The following FNBP1 variants were observed in gnomAD, a reference collection of about 807,000 sequenced individuals.
FNBP1 encodes formin binding protein 1.
FNBP1 carries 26 observed loss-of-function variants against 90.6 expected under a neutral mutation model. That is an observed-to-expected ratio of 0.29 (90% CI 0.21 to 0.40). The LOEUF is 0.40. Ranked by LOEUF, FNBP1 falls within the 10% of genes least tolerant of loss-of-function variation. FNBP1 has a pLI of 1.00. For missense variants in FNBP1, 635 were observed against 768.0 expected (o/e 0.83, Z 2.05); for synonymous variants, 260 against 265.2 (o/e 0.98, Z 0.19).
Position 129,887,211 on chromosome 9 carries a change from C to T in FNBP1, c.*3328G>A, listed in dbSNP as rs1003931426. ...CCACAAGTTATATTTTATTTTAACA[C>T]GAGATTAACATATAGTTACAAGGTC... is the stretch of plus-strand genomic sequence containing the variant. On this transcript the variant is annotated 3_prime_UTR_variant, in exon 17 of 17. Transcript: ENST00000446176. 2.8e-5 allele frequency: 5 copies of T among 180,080 alleles called. No individual in the cohort carries two copies. The highest frequency in any genetic ancestry group is 3.6e-5 in the Non-Finnish European group (3 of 84,222). The allele number at this position is 180,080 out of a possible 1,614,324, so 11.2% of individuals were successfully genotyped here. A position where few individuals can be genotyped will look rare whatever the true frequency, so the allele number is the denominator to read the frequency against.
chr9:129,941,502 G>A (rs552803897), intron 6 of FNBP1, among the ~76,000 whole-genome samples: 1 of 152,270 alleles, frequency 6.6e-6, no homozygotes, highest in East Asian at 1.9e-4. Flanking sequence ...GTCTTGCTCT[G>A]TTAACCAGGA....
At chr9:130,048,787 CTTTT>C in the FNBP1 span, among the ~76,000 whole-genome samples, 1 of 143,860 alleles carries the variant, frequency 7.0e-6, no homozygotes, top group South Asian at 2.2e-4. Context: ...CCAGTTTCCT[CTTTT>C]TTTTTTGAGA....
intron 6 of FNBP1, among the ~76,000 whole-genome samples, chr9:129,935,775 C>A (rs1262204519): frequency 1.1e-4 from 16 of 152,160 alleles, no homozygotes; most frequent in Non-Finnish European, 1.5e-5. Context: ...GCATGAGCCA[C>A]CGCGCCCAGC....
chr9:129,916,016 G>C (rs765031368), intron 10 of FNBP1, 36 bp from the exon 11 acceptor site: 17 of 1,469,314 alleles, frequency 1.2e-5, no homozygotes, highest in Non-Finnish European at 1.5e-5. Flanking sequence ...GGGAAAAATA[G>C]AGAGAAAGAG....
chr9:129,971,144 G>C lies in FNBP1; in HGVS notation c.345+7321C>G, dbSNP rs564489270. Among the ~76,000 whole-genome samples the C allele has an allele frequency of 6.2e-4, 94 of 151,332 alleles. 2 individuals are homozygous for C. Among genetic ancestry groups the C allele is most frequent in the Admixed American group, 1.3e-4 (2 of 15,160 alleles). ...CTGACCTTTTGATATGCCCACCTCC[G>C]CCTCCCAAAGTTCTGGGATTACAGG... On this transcript the variant is annotated intron_variant, in intron 4 of 16. Transcript: ENST00000446176.
intron 1 of FNBP1, among the ~76,000 whole-genome samples, chr9:130,038,008 A>T (rs489633): frequency 0.94 from 143,377 of 152,122 alleles, 68,193 homozygotes; most frequent in East Asian, 1. Flanking sequence ...TATTCAACAG[A>T]TGAATGTATA....
At chr9:129,917,574 A>G (rs1277408472) in intron 10 of FNBP1, among the ~76,000 whole-genome samples, 1 of 151,470 alleles carries the variant, frequency 6.6e-6, no homozygotes, top group African/African-American at 2.4e-5. Flanking sequence ...AGCTCAAATG[A>G]TCCACCCACC....
chr9:129,988,260 A>C (rs894878718), intron 2 of FNBP1, among the ~76,000 whole-genome samples: 19 of 151,034 alleles, frequency 1.3e-4, no homozygotes, highest in Non-Finnish European at 2.4e-4. Context: ...ACTGTCTCAA[A>C]AATAAATAAA....
Position 129,913,508 on chromosome 9 carries a change from C to T in FNBP1, c.1185+2458G>A, listed in dbSNP as rs377752144. Among the ~76,000 whole-genome samples the T allele has an allele frequency of 2.2e-4, 34 of 152,160 alleles. No individual in the cohort carries two copies. The East Asian group carries it at 2.3e-3, about 10-fold the overall frequency. ...AAACCTGGCCGGGCCTGGTGGCTCACGCATGTAATCCCAGCACTGTGGGGG... is the reference window on the plus strand; with the variant it reads ...AAACCTGGCCGGGCCTGGTGGCTCATGCATGTAATCCCAGCACTGTGGGGG... On this transcript the variant is annotated intron_variant, in intron 11 of 16. Transcript: ENST00000446176.
the FNBP1 span, among the ~76,000 whole-genome samples, chr9:130,048,774 G>A: frequency 8.2e-5 from 11 of 133,562 alleles, no homozygotes; most frequent in Non-Finnish European, 1.4e-4. Context: ...CACCGCGCCC[G>A]GCCCAGTTTC....
intron 1 of FNBP1, among the ~76,000 whole-genome samples, chr9:130,028,648 T>A (rs1447659205): frequency 6.6e-6 from 1 of 152,200 alleles, no homozygotes; most frequent in Non-Finnish European, 1.5e-5. Context: ...AAAACACGGT[T>A]CACACAATGG....
At chr9:130,013,939 C>T (rs2056930024) in intron 1 of FNBP1, 1 of 451,748 alleles carries the variant, frequency 2.2e-6, no homozygotes, top group Admixed American at 2.4e-5. Flanking sequence ...CCTCTAGATT[C>T]ATGAGCCAAA....
chr9:129,968,194 A>C (rs2048907981), intron 4 of FNBP1, among the ~76,000 whole-genome samples: 1 of 152,144 alleles, frequency 6.6e-6, no homozygotes, highest in African/African-American at 2.4e-5. Context: ...CAGGAGTTTG[A>C]GACCAGCCTA....
intron 2 of FNBP1, among the ~76,000 whole-genome samples, chr9:129,988,670 C>A (rs1473824085): frequency 6.6e-6 from 1 of 152,070 alleles, no homozygotes; most frequent in African/African-American, 2.4e-5. Context: ...GAGCGAGACT[C>A]CATCTCGAAG....
rs984810785 is a variant in FNBP1 at position 129,903,254 on chromosome 9, G to A, written c.1296-253C>T. 2.0e-4 allele frequency among the ~76,000 whole-genome samples: 30 copies of A among 152,218 alleles called. No individual in the cohort carries two copies. The East Asian group carries it at 2.1e-3, about 11-fold the overall frequency. ...TTTAGTAGAGATGGGGTTTTGCCAC[G>A]TTGGCCAGGCTGGTCTTGAACTCCT... On this transcript the variant is annotated intron_variant, in intron 12 of 16. Transcript: ENST00000446176.
chr9:129,953,855 T>C (rs377420270), intron 6 of FNBP1, among the ~76,000 whole-genome samples: 1 of 151,584 alleles, frequency 6.6e-6, no homozygotes, highest in East Asian at 1.9e-4. Flanking sequence ...GTTAAATAAA[T>C]AGAAAATAAA....
chr9:129,923,819 G>T, intron 10 of FNBP1, 25 bp downstream of exon 10: 3 of 1,543,514 alleles, frequency 1.9e-6, no homozygotes, highest in Admixed American at 4.3e-5. Flanking sequence ...ACGCCAGAGA[G>T]ACAGGATTCC....
intron 2 of FNBP1, among the ~76,000 whole-genome samples, chr9:129,991,334 C>T (rs900066148): frequency 7.4e-5 from 11 of 148,880 alleles, no homozygotes; most frequent in African/African-American, 2.7e-4. Flanking sequence ...TGCAGTAGTG[C>T]AATCATGGCT....
chr9:129,983,500 C>T (rs2051621750), intron 2 of FNBP1, among the ~76,000 whole-genome samples: 1 of 152,054 alleles, frequency 6.6e-6, no homozygotes, highest in South Asian at 2.1e-4. Flanking sequence ...GGTTTTTGCC[C>T]TATTTGTATT....
Sources: gnomAD v4.1 joint callset for allele counts (sites outside exome capture counted in the v4.1 genomes callset) on GRCh38, gnomAD v4.1.1 for gene constraint, MANE v1.5 for transcripts, NCBI Gene and HGNC (gene_info 2026-07-23, HGNC 2026-07-21) for gene names.